The following ZBTB20 variants were observed in gnomAD, a reference collection of about 807,000 sequenced individuals.
ZBTB20 encodes zinc finger and BTB domain containing 20, also known as zinc finger and BTB domain-containing protein 20.
ZBTB20 carries 9 observed loss-of-function variants against 56.9 expected under a neutral mutation model. The observed-to-expected ratio is 0.16, with a 90% CI of 0.10 to 0.28. ZBTB20 has a LOEUF of 0.28. Among genes scored for constraint, ZBTB20 ranks in the 10% least tolerant of loss-of-function variants. The pLI, the probability that ZBTB20 is intolerant of heterozygous loss-of-function variation, is 1.00. For missense variants in ZBTB20, 655 were observed against 1,003.0 expected, an observed-to-expected ratio of 0.65 and a Z score of 4.69; for synonymous variants, 417 against 420.7, an observed-to-expected ratio of 0.99 and a Z score of 0.11.
chr3:114,410,830 A>G (rs530661632), intron 7 of ZBTB20, among the ~76,000 whole-genome samples: 1 of 152,218 alleles, frequency 6.6e-6, no homozygotes, highest in South Asian at 2.1e-4. Flanking sequence ...GAGGAGAGGA[A>G]GGGCTCCATT....
chr3:114,372,750 G>A (rs1576432751), intron 10 of ZBTB20, among the ~76,000 whole-genome samples: 1 of 151,988 alleles, frequency 6.6e-6, no homozygotes, highest in African/African-American at 2.4e-5. Flanking sequence ...GAGGCTGGGT[G>A]GGAGGATTGC....
intron 5 of ZBTB20, among the ~76,000 whole-genome samples, chr3:114,753,646 C>T (rs1017026701): frequency 2.6e-5 from 4 of 151,786 alleles, no homozygotes; most frequent in Non-Finnish European, 5.9e-5. Flanking sequence ...GATGGCCAGG[C>T]TGGTCTCAAA....
chr3:115,011,183 T>C (rs1032903700), intron 2 of ZBTB20, among the ~76,000 whole-genome samples: 3 of 151,698 alleles, frequency 2.0e-5, no homozygotes, highest in Non-Finnish European at 2.9e-5. Flanking sequence ...ACAGGAAACC[T>C]GATTATTGGC....
intron 2 of ZBTB20, among the ~76,000 whole-genome samples, chr3:115,019,080 A>G (rs867443517): frequency 5.3e-5 from 8 of 151,184 alleles, no homozygotes; most frequent in Admixed American, 2.0e-4. Flanking sequence ...AAATTCAGCA[A>G]TTTGCTCAGT....
In ZBTB20 at chr3:114,495,269, T is replaced by C. The variant is rs562050450; in HGVS notation, c.-255+5083A>G. 1.8e-3 allele frequency among the ~76,000 whole-genome samples: 278 copies of C among 152,350 alleles called. 2 individuals are homozygous for C. Among genetic ancestry groups the C allele is most frequent in the Middle Eastern group, 6.8e-3 (2 of 294 alleles). ...TACATAGCATGTTTTTAATAATATC[T>C]TAAAGCGTGAATGTGGGGGAGAGTG... On this transcript the variant is annotated intron_variant, in intron 7 of 11. Transcript: ENST00000675478.
chr3:114,944,468 T>A (rs1230637888), intron 3 of ZBTB20, among the ~76,000 whole-genome samples: 1 of 145,412 alleles, frequency 6.9e-6, no homozygotes, highest in Non-Finnish European at 1.5e-5. Context: ...ATCCAGTAAT[T>A]TGACTTCAGG....
In ZBTB20 at chr3:115,095,234, A is replaced by G. The variant is rs563570421; in HGVS notation, c.-702-23820T>C. Among the ~76,000 whole-genome samples the G allele has an allele frequency of 2.2e-4, 34 of 152,290 alleles. 2 individuals are homozygous for G. The South Asian group carries it at 7.0e-3, about 32-fold the overall frequency. ...TTCCCTCTGGAAACTAGATGAATCAATGAACTCATAGTCCTTGTTCCTTGT... is the reference window on the plus strand; with the variant it reads ...TTCCCTCTGGAAACTAGATGAATCAGTGAACTCATAGTCCTTGTTCCTTGT... On this transcript the variant is annotated intron_variant, in intron 1 of 11. Coordinates refer to ENST00000675478, the MANE Select transcript of ZBTB20 (RefSeq NM_001348800.3).
At chr3:114,799,509 T>A (rs2071566398) in intron 5 of ZBTB20, among the ~76,000 whole-genome samples, 1 of 151,928 alleles carries the variant, frequency 6.6e-6, no homozygotes, top group African/African-American at 2.4e-5. Context: ...GTGTTTACAA[T>A]AAATATTCTC....
At chr3:114,721,757 T>C (rs1395482795) in intron 5 of ZBTB20, among the ~76,000 whole-genome samples, 6 of 152,150 alleles carry the variant, frequency 3.9e-5, no homozygotes, top group Non-Finnish European at 7.3e-5. Flanking sequence ...ATGACAAGAT[T>C]TGATATAATT....
intron 4 of ZBTB20, among the ~76,000 whole-genome samples, chr3:114,828,036 G>A (rs1408316695): frequency 6.6e-6 from 1 of 151,082 alleles, no homozygotes; most frequent in African/African-American, 2.4e-5. Flanking sequence ...GATTAAATGG[G>A]GATTAACTGA....
chr3:114,506,520 A>G (rs2044634418), intron 6 of ZBTB20, among the ~76,000 whole-genome samples: 1 of 152,068 alleles, frequency 6.6e-6, no homozygotes, highest in Non-Finnish European at 1.5e-5. Context: ...ATGGTTTTTT[A>G]TTGCTGCTAA....
chr3:114,634,635 G>A (rs1251538784), intron 6 of ZBTB20, among the ~76,000 whole-genome samples: 1 of 152,154 alleles, frequency 6.6e-6, no homozygotes, highest in African/African-American at 2.4e-5. Flanking sequence ...AAGAAATAGA[G>A]GCACCCTAGA....
chr3:114,920,368 T>C (rs2075910199), intron 3 of ZBTB20, among the ~76,000 whole-genome samples: 1 of 152,122 alleles, frequency 6.6e-6, no homozygotes, highest in Non-Finnish European at 1.5e-5. Flanking sequence ...ATAGATCAGA[T>C]GTTGGGCCAC....
At chr3:114,668,333 C>T (rs1378557294) in intron 6 of ZBTB20, among the ~76,000 whole-genome samples, 1 of 151,976 alleles carries the variant, frequency 6.6e-6, no homozygotes, top group Non-Finnish European at 1.5e-5. Context: ...CAGAACAGCA[C>T]AATAATAGTA....
At chr3:114,769,957 G>A (rs1362513825) in intron 5 of ZBTB20, among the ~76,000 whole-genome samples, 2 of 151,872 alleles carry the variant, frequency 1.3e-5, no homozygotes, top group African/African-American at 4.8e-5. Context: ...TGCTCCAGAG[G>A]CTGAGGCAGG....
intron 6 of ZBTB20, among the ~76,000 whole-genome samples, chr3:114,511,140 T>C (rs1453706158): frequency 2.0e-5 from 3 of 149,838 alleles, no homozygotes; most frequent in Admixed American, 6.6e-5. Context: ...GTTATGTGTA[T>C]AGTATAGAGT....
At chr3:115,061,538 T>C (rs1430041404) in intron 2 of ZBTB20, among the ~76,000 whole-genome samples, 1 of 152,202 alleles carries the variant, frequency 6.6e-6, no homozygotes, top group Non-Finnish European at 1.5e-5. Flanking sequence ...AGATTATTCT[T>C]CTTGGAAAGA....
chr3:114,842,328 G>A (rs2074416492), intron 4 of ZBTB20, among the ~76,000 whole-genome samples: 1 of 152,096 alleles, frequency 6.6e-6, no homozygotes, highest in African/African-American at 2.4e-5. Context: ...ACTGATGAAA[G>A]GACAGAAGGG....
chr3:114,509,109 T>G lies in ZBTB20; in HGVS notation c.-294-8718A>C, dbSNP rs147306339. Among the ~76,000 whole-genome samples the G allele has an allele frequency of 2.5e-3, 379 of 152,218 alleles. 6 individuals are homozygous for G. Among genetic ancestry groups the G allele is most frequent in the Admixed American group, 0.021 (318 of 15,274 alleles). Reference sequence around the variant, plus strand: ...GGCACAATAAGCTGATAACATAGGTTGTTAGAATTAGCAAAACTTACTTTC... The same window carrying G: ...GGCACAATAAGCTGATAACATAGGTGGTTAGAATTAGCAAAACTTACTTTC... On this transcript the variant is annotated intron_variant, in intron 6 of 11. Coordinates refer to ENST00000675478, the MANE Select transcript of ZBTB20 (RefSeq NM_001348800.3).
Sources: allele counts gnomAD v4.1 joint callset (sites outside exome capture counted in the v4.1 genomes callset), GRCh38; gene constraint gnomAD v4.1.1; transcripts MANE v1.5; gene names NCBI Gene and HGNC (gene_info 2026-07-23, HGNC 2026-07-21).